The following TCN2 variants were observed in gnomAD, a reference collection of about 807,000 sequenced individuals.
TCN2 encodes transcobalamin 2, also known as transcobalamin-2.
TCN2 carries 34 observed loss-of-function variants against 48.6 expected under a neutral mutation model. That is an observed-to-expected ratio of 0.70 (90% confidence interval 0.53 to 0.93). The LOEUF is 0.93. Ranked by LOEUF, TCN2 falls within the 40% of genes least tolerant of loss-of-function variation. The probability of loss-of-function intolerance (pLI) is 0.00; values close to 1 mark genes in which losing one functional copy is unlikely to be tolerated. For missense variants in TCN2, 652 were observed against 526.1 expected (o/e 1.24, Z -2.34); for synonymous variants, 283 against 212.5 (o/e 1.33, Z -2.89).
intron 7 of TCN2, among the ~76,000 whole-genome samples, chr22:30,621,289 C>T (rs1355086317): frequency 2.0e-5 from 3 of 152,008 alleles, no homozygotes; most frequent in African/African-American, 7.2e-5. Flanking sequence ...CACCGCGCCC[C>T]ACCTGTGTTT....
intron 7 of TCN2, among the ~76,000 whole-genome samples, chr22:30,622,380 G>A (rs1295551862): frequency 6.6e-6 from 1 of 152,222 alleles, no homozygotes; most frequent in African/African-American, 2.4e-5. Flanking sequence ...CAGGGAAGGG[G>A]GAGTGTGAGT....
chr22:30,620,994 GT>G (rs1290032364), intron 7 of TCN2, among the ~76,000 whole-genome samples: 3 of 152,076 alleles, frequency 2.0e-5, no homozygotes, highest in African/African-American at 7.2e-5. Flanking sequence ...TAGGGTGGTG[GT>G]TGTTGTTGTT....
At chr22:30,622,781 C>CG (rs979557313) in intron 7 of TCN2, among the ~76,000 whole-genome samples, 187 bp from the exon 8 acceptor site, 3 of 152,236 alleles carry the variant, frequency 2.0e-5, no homozygotes, top group Non-Finnish European at 2.9e-5. Flanking sequence ...CAGGCAGGAT[C>CG]GGGGGTCTGG....
chr22:30,610,136 A>G, intron 1 of TCN2: 1 of 461,686 alleles, frequency 2.2e-6, no homozygotes, highest in South Asian at 1.6e-5. Flanking sequence ...TTCGTTGCAC[A>G]GCTTCGAATA....
intron 3 of TCN2, among the ~76,000 whole-genome samples, chr22:30,613,723 G>A (rs1190828805): frequency 6.6e-6 from 1 of 152,128 alleles, no homozygotes; most frequent in East Asian, 1.9e-4. Context: ...ACAACAGCCA[G>A]AGCCAGCCTT....
At chr22:30,618,025 C>G (rs545494256) in intron 7 of TCN2, among the ~76,000 whole-genome samples, 39 of 151,992 alleles carry the variant, frequency 2.6e-4, no homozygotes, top group Non-Finnish European at 4.9e-4. Context: ...ACTGCAGTCT[C>G]GAACTCTGGG....
At chr22:30,611,655 G>T (rs2087543679) in intron 2 of TCN2, among the ~76,000 whole-genome samples, 1 of 152,214 alleles carries the variant, frequency 6.6e-6, no homozygotes, top group Non-Finnish European at 1.5e-5. Context: ...TTACAGGCGT[G>T]TGCCACCATG....
rs371703966 is a variant in TCN2, at chr22:30,626,539, C to T, written c.*18C>T. ...GCTGGTAGCCCCTGAGCTCCCTCAT[C>T]CCAGCAGCCTCGCACACTCCCTAGG... On this transcript the variant is annotated 3_prime_UTR_variant, in exon 9 of 9. Coordinates refer to ENST00000215838, the MANE Select transcript of TCN2 (RefSeq NM_000355.4). The T allele has an allele frequency of 1.2e-4, 198 of 1,613,708 alleles. No individual in the cohort carries two copies. Among genetic ancestry groups the T allele is most frequent in the Non-Finnish European group, 1.5e-4 (179 of 1,179,914 alleles).
chr22:30,611,695 A>G (rs1364516874), intron 2 of TCN2, among the ~76,000 whole-genome samples: 2 of 152,144 alleles, frequency 1.3e-5, no homozygotes, highest in African/African-American at 4.8e-5. Context: ...TTTGGTAGAG[A>G]TAGGGTTTCA....
rs1569040463 is a variant in TCN2, at chr22:30,614,339, T to TC, written c.428-7dup. ...CAGAGAGGCAACCCCTCTGTTTTTTTCCCTCTCAGGGCATGATCACAAGGG... is the reference window on the plus strand; with the variant it reads ...CAGAGAGGCAACCCCTCTGTTTTTTTCCCCTCTCAGGGCATGATCACAAGGG... On this transcript the variant is annotated splice_polypyrimidine_tract_variant and intron_variant, in intron 3 of 8. Transcript: ENST00000215838. 2 of 1,614,016 alleles carry TC rather than the reference T, an allele frequency of 1.2e-6. No individual in the cohort carries two copies. The highest frequency in any genetic ancestry group is 2.2e-5 in the East Asian group (1 of 44,876).
At chr22:30,622,302 T>A (rs2087710601) in intron 7 of TCN2, among the ~76,000 whole-genome samples, 1 of 152,218 alleles carries the variant, frequency 6.6e-6, no homozygotes, top group African/African-American at 2.4e-5. Flanking sequence ...CCACGGAGTT[T>A]TAAGAGGCTT....
intron 6 of TCN2, among the ~76,000 whole-genome samples, chr22:30,617,083 G>A (rs546081147): frequency 1.4e-4 from 22 of 152,148 alleles, no homozygotes; most frequent in Middle Eastern, 3.4e-3. Context: ...CCAGTGAGGG[G>A]CCTGATCTTG....
intron 6 of TCN2, among the ~76,000 whole-genome samples, chr22:30,616,597 T>C (rs1211036401): frequency 1.3e-5 from 2 of 151,896 alleles, no homozygotes; most frequent in Non-Finnish European, 1.5e-5. Flanking sequence ...GCCCAGGAGT[T>C]TGAGACCAGC....
chr22:30,623,044 T>A lies in TCN2; in HGVS notation c.1183T>A (p.Trp395Arg), dbSNP rs758755056. 1.2e-6 allele frequency: 2 copies of A among 1,614,046 alleles called. No homozygotes were observed. The highest frequency in any genetic ancestry group is 3.3e-5 in the Admixed American group (2 of 59,998). Reference sequence around the variant, plus strand: ...GAAAGCGGCCGGAGAAAGGGAGTTCTGGCAGCTTCTCCGAGACCCCAACAC... The same window carrying A: ...GAAAGCGGCCGGAGAAAGGGAGTTCAGGCAGCTTCTCCGAGACCCCAACAC... ...MGKAAGEREFWQLLRDPNTPL... is the reference protein window; with the variant it reads ...MGKAAGEREFRQLLRDPNTPL... The change falls in exon 8 of 9, where the codon TGG (tryptophan) becomes AGG (arginine). Residue 395 changes from tryptophan (W) to arginine (R), a missense_variant. By Grantham distance (101) the Trp-to-Arg change is moderately radical. Transcript: ENST00000215838.
intron 3 of TCN2, 116 bp downstream of exon 3, chr22:30,613,158 ATTC>A (rs2087566050): frequency 1.8e-5 from 25 of 1,424,530 alleles, no homozygotes; most frequent in Non-Finnish European, 2.4e-5. Flanking sequence ...CCCACCATCC[ATTC>A]TGCCCATCTC....
chr22:30,626,580 C>A lies in TCN2; in HGVS notation c.*59C>A. The A allele has an allele frequency of 6.3e-7, 1 of 1,591,304 alleles. No individual in the cohort carries two copies. Among genetic ancestry groups the A allele is most frequent in the South Asian group, 1.1e-5 (1 of 90,222 alleles). Reference sequence around the variant, plus strand: ...ACTCCCTAGGCTTCTACCCTCCCTCCTGATGTCCCTGGAACAGGAACTCGC... The same window carrying A: ...ACTCCCTAGGCTTCTACCCTCCCTCATGATGTCCCTGGAACAGGAACTCGC... On this transcript the variant is annotated 3_prime_UTR_variant, in exon 9 of 9. Coordinates refer to ENST00000215838, the MANE Select transcript of TCN2 (RefSeq NM_000355.4).
chr22:30,624,286 C>G (rs545074148), intron 8 of TCN2, among the ~76,000 whole-genome samples: 2 of 151,696 alleles, frequency 1.3e-5, no homozygotes, highest in African/African-American at 4.8e-5. Context: ...GTTGGCCAGG[C>G]TGGTCTCAAA....
chr22:30,621,898 C>G (rs777837510), intron 7 of TCN2, among the ~76,000 whole-genome samples: 48 of 152,254 alleles, frequency 3.2e-4, no homozygotes, highest in Non-Finnish European at 5.4e-4. Flanking sequence ...CTGGCAAATC[C>G]CACTCATCTC....
chr22:30,625,377 CT>C (rs997500626), intron 8 of TCN2, among the ~76,000 whole-genome samples: 2 of 147,460 alleles, frequency 1.4e-5, no homozygotes, highest in Admixed American at 6.9e-5. Flanking sequence ...AACATGGCAA[CT>C]TTCTGGGGCC....
Sources: gnomAD v4.1 joint callset for allele counts (sites outside exome capture counted in the v4.1 genomes callset) on GRCh38, gnomAD v4.1.1 for gene constraint, MANE v1.5 for transcripts, NCBI Gene and HGNC (gene_info 2026-07-23, HGNC 2026-07-21) for gene names.